Variants in KRT26 observed in about 807,000 individuals in gnomAD.
KRT26 encodes keratin, type I cytoskeletal 26.
In KRT26, 45 loss-of-function variants were observed where a neutral mutation model predicts 46.1. The ratio of observed to expected loss-of-function variants is 0.98; its 90% CI spans 0.77 to 1.25. The LOEUF (loss-of-function observed/expected upper bound fraction) is 1.25. KRT26 is among the 50% of genes most tolerant of loss of function. The pLI is 0.00. For missense variants in KRT26, 582 were observed against 560.1 expected, an observed-to-expected ratio of 1.04 and a Z score of -0.39; for synonymous variants, 191 against 209.9, an observed-to-expected ratio of 0.91 and a Z score of 0.78.
chr17:40,767,594 T>TG lies in KRT26; in HGVS notation c.1246dup (p.Gln416ProfsTer12), dbSNP rs1369377086. On this transcript the variant is annotated frameshift_variant, in exon 7 of 8. Coordinates refer to ENST00000335552, the Ensembl canonical transcript of KRT26. LOFTEE classifies it low-confidence loss of function (END_TRUNC). ...AAAAAATCTATCTATACCTTTGGCT[T>TG]GATTTCCAGAATTCACAGGCCTGTA... 2 of 1,604,648 alleles carry TG rather than the reference T, an allele frequency of 1.2e-6. No individual in the cohort carries two copies. Among genetic ancestry groups the TG allele is most frequent in the Admixed American group, 3.4e-5 (2 of 58,694 alleles).
exon 1 of KRT26, chr17:40,771,811 C>G: frequency 1.2e-6 from 2 of 1,614,178 alleles, no homozygotes. Context: ...CTAGAGCATG[C>G]ACATGGTCCA....
chr17:40,766,742 G>T, intron 7 of KRT26, 76 bp from the exon 8 acceptor site: 1 of 1,087,216 alleles, frequency 9.2e-7, no homozygotes, highest in Non-Finnish European at 1.3e-6. Context: ...TATGCTTTTT[G>T]TTTGTTTGTT....
At chr17:40,772,105 A>G in exon 1 of KRT26, 2 of 1,613,846 alleles carry the variant, frequency 1.2e-6, no homozygotes, top group Non-Finnish European at 1.7e-6. Context: ...CAGAAAGTCG[A>G]AAAGACATGG....
chr17:40,772,163 G>T (rs1349968283), upstream of KRT26: 8 of 1,504,996 alleles, frequency 5.3e-6, no homozygotes, highest in Middle Eastern at 5.2e-4. Context: ...AGCAAAGCCA[G>T]GGTTCACCTT....
At chr17:40,768,789 A>G in intron 6 of KRT26, 90 bp downstream of exon 6, 1 of 658,908 alleles carries the variant, frequency 1.5e-6, no homozygotes, top group East Asian at 2.8e-5. Context: ...CCAGAGTAGG[A>G]AATTCTAGGA....
At chr17:40,771,531 A>G in intron 1 of KRT26, 142 bp downstream of exon 1, 1 of 701,108 alleles carries the variant, frequency 1.4e-6, no homozygotes, top group Non-Finnish European at 2.3e-6. Flanking sequence ...TTTTATTGCC[A>G]GGTACTGTGC....
chr17:40,771,138 G>C lies in KRT26; in HGVS notation c.524+16C>G. ...TAACTTTTATTAATATAATTAATCA[G>C]TTTGTTTTCACCTACTTCAGCCTGA... On this transcript the variant is annotated intron_variant, in intron 2 of 7. Transcript: ENST00000335552. The C allele has an allele frequency of 6.8e-7, 1 of 1,472,736 alleles. No individual in the cohort carries two copies. Among genetic ancestry groups the C allele is most frequent in the East Asian group, 2.3e-5 (1 of 43,320 alleles). The allele number at this position is 1,472,736 out of a possible 1,614,324, so 91.2% of individuals were successfully genotyped here. A position where few individuals can be genotyped will look rare whatever the true frequency, so the allele number is the denominator to read the frequency against.
At chr17:40,766,587 G>C in exon 8 of KRT26, 1 of 1,613,150 alleles carries the variant, frequency 6.2e-7, no homozygotes, top group South Asian at 1.1e-5. Context: ...CTTCAACTGA[G>C]TGGACTCTCA....
At position 40,766,368 on chromosome 17, in the gene KRT26, G is replaced by A. The variant is rs1018778145; in HGVS notation, c.*147C>T. The A allele has an allele frequency of 2.3e-5, 13 of 575,166 alleles. No individual in the cohort carries two copies. In the South Asian group the frequency reaches 2.5e-4, roughly 11 times the overall value. The allele number at this position is 575,166 out of a possible 1,614,324, so 35.6% of individuals were successfully genotyped here. On this transcript the variant is annotated 3_prime_UTR_variant, in exon 8 of 8. Coordinates refer to ENST00000335552, the Ensembl canonical transcript of KRT26. ...ATAGAACATGAGAAAAGGAAGAGAA[G>A]GAGAACAAATTCTAGCCCTTTTAAG...
chr17:40,771,643 A>G, intron 1 of KRT26, 30 bp downstream of exon 1: 1 of 1,551,076 alleles, frequency 6.4e-7, no homozygotes. Context: ...CAAAGTCTGT[A>G]GTAAAAGTAT....
chr17:40,766,567 G>A (rs201369920), exon 8 of KRT26: 80 of 1,613,464 alleles, frequency 5.0e-5, no homozygotes, highest in Non-Finnish European at 6.7e-5. Context: ...GCTTATTTTA[G>A]AGGACTTTTC....
chr17:40,768,146 T>C (rs1454039744), intron 6 of KRT26, among the ~76,000 whole-genome samples: 3 of 152,226 alleles, frequency 2.0e-5, no homozygotes, highest in African/African-American at 7.2e-5. Flanking sequence ...CCTGTGAGAA[T>C]AGGCTGCAGA....
chr17:40,771,908 G>A lies in KRT26; in HGVS notation c.206C>T (p.Ala69Val), dbSNP rs1161640659. 4 of 1,613,996 alleles carry A rather than the reference G, an allele frequency of 2.5e-6. No individual in the cohort carries two copies. In the Admixed American group the frequency reaches 6.7e-5, roughly 27 times the overall value. The change falls in exon 1 of 8, where the codon GCT (alanine) becomes GTT (valine). Residue 69 changes from alanine (A) to valine (V), a missense_variant. Ala to Val is a moderately conservative substitution (Grantham distance 64). Transcript: ENST00000335552. ...GCTGTGCTCATTGCCAAGAAAACCA[G>A]CACAGGCACCACTTCCCAACCCTCC...
intron 2 of KRT26, 27 bp from the exon 3 acceptor site, chr17:40,770,436 G>A: frequency 6.4e-7 from 1 of 1,555,146 alleles, no homozygotes; most frequent in Non-Finnish European, 8.7e-7. Flanking sequence ...GCACCTGAGA[G>A]TTGTCATCGT....
chr17:40,766,685 A>G lies in KRT26; in HGVS notation c.1256-19T>C, dbSNP rs760673629. On this transcript the variant is annotated intron_variant, in intron 7 of 7. Transcript: ENST00000335552. ...GTTGAGTCTAAAATAAAATAAATAA[A>G]ACATTAGTGGTCATTTTTTAACAGG... is the stretch of plus-strand genomic sequence containing the variant. 6.3e-7 allele frequency: 1 copy of G among 1,575,678 alleles called. No individual in the cohort carries two copies. Among genetic ancestry groups the G allele is most frequent in the East Asian group, 2.2e-5 (1 of 44,612 alleles).
exon 8 of KRT26, chr17:40,766,339 A>G (rs2038171995): frequency 6.6e-6 from 3 of 454,292 alleles, no homozygotes; most frequent in African/African-American, 2.0e-5. Context: ...AAAGGATTAC[A>G]TGCATAGAAC....
Position 40,770,235 on chromosome 17 carries a change from C to G in KRT26, c.681+18G>C, listed in dbSNP as rs1487902337. ...GGAAATTAGAAACTGTATGAAGCCACTCTGCAGGCTTCCTTACCTCCTCAT... is the reference window on the plus strand; with the variant it reads ...GGAAATTAGAAACTGTATGAAGCCAGTCTGCAGGCTTCCTTACCTCCTCAT... On this transcript the variant is annotated intron_variant, in intron 3 of 7. Transcript: ENST00000335552. 5 of 1,613,878 alleles carry G rather than the reference C, an allele frequency of 3.1e-6. No homozygotes were observed. The highest frequency in any genetic ancestry group is 4.2e-6 in the Non-Finnish European group (5 of 1,179,766).
chr17:40,771,050 C>T, intron 2 of KRT26, 104 bp downstream of exon 2: 1 of 609,698 alleles, frequency 1.6e-6, no homozygotes. Context: ...TCTAGTCTGG[C>T]TTTAGAAAAA....
exon 1 of KRT26, chr17:40,771,861 C>G: frequency 6.2e-7 from 1 of 1,614,168 alleles, no homozygotes; most frequent in Non-Finnish European, 8.5e-7. Flanking sequence ...TGCATGGTCA[C>G]CTTTTCATTC....
Sources: gnomAD v4.1 joint callset for allele counts (sites outside exome capture counted in the v4.1 genomes callset) on GRCh38, gnomAD v4.1.1 for gene constraint, MANE v1.5 for transcripts, NCBI Gene and HGNC (gene_info 2026-07-23, HGNC 2026-07-21) for gene names.